The following FASN variants were observed in gnomAD, a reference collection of about 807,000 sequenced individuals.
FASN encodes fatty acid synthase.
A neutral mutation model predicts 250.0 loss-of-function variants in FASN; 50 were observed. The observed-to-expected ratio is 0.20, with a 90% CI of 0.16 to 0.25. FASN has a LOEUF of 0.25. Ranked by LOEUF, FASN falls within the 10% of genes least tolerant of loss-of-function variation. The pLI is 1.00. For missense variants in FASN, 3,031 were observed against 3,498.5 expected, an observed-to-expected ratio of 0.87 and a Z score of 3.37; for synonymous variants, 1,909 against 1,584.0, an observed-to-expected ratio of 1.21 and a Z score of -4.87.
Position 82,087,684 on chromosome 17 carries a change from C to T in FASN, c.3043+1G>A. 6.2e-7 allele frequency: 1 copy of T among 1,611,254 alleles called. No homozygotes were observed. The highest frequency in any genetic ancestry group is 8.5e-7 in the Non-Finnish European group (1 of 1,179,986). On this transcript the variant is annotated splice_donor_variant, in intron 19 of 42. Coordinates refer to ENST00000306749, the MANE Select transcript of FASN (RefSeq NM_004104.5). LOFTEE classifies it high-confidence loss of function. ...TGGGCAGCAGTGTAGTCAGTACCCA[C>T]CTTCCAGGCTGGCCTCCAGGATGCC...
Position 82,078,843 on chromosome 17 carries a change from C to T in FASN, c.*300G>A. 1.9e-6 allele frequency: 1 copy of T among 523,844 alleles called. No individual in the cohort carries two copies. The highest frequency in any genetic ancestry group is 3.5e-6 in the Non-Finnish European group (1 of 287,168). 32.4% of individuals were successfully genotyped at this position (523,844 alleles called of 1,614,324 possible). ...ATATGCAAATCCAAGCACAGAAAGA[C>T]CAAGCGCAGACCCCACGGGCGCACG... On this transcript the variant is annotated 3_prime_UTR_variant, in exon 43 of 43. Coordinates refer to ENST00000306749, the MANE Select transcript of FASN (RefSeq NM_004104.5). The surrounding 1 kb of genome is among the most constrained non-coding windows in gnomAD (Gnocchi z 5.4).
chr17:82,090,389 G>T lies in FASN; in HGVS notation c.1856C>A (p.Ala619Asp). The T allele has an allele frequency of 6.3e-7, 1 of 1,590,808 alleles. No homozygotes were observed. ...GGGAGACCTACCCACGGCTGCCATGGCGCCCGGCGGGAGATGGGCTTCTTT... is the reference window on the plus strand; with the variant it reads ...GGGAGACCTACCCACGGCTGCCATGTCGCCCGGCGGGAGATGGGCTTCTTT... ...CIKEAHLPPGAMAAVGLSWEE... is the reference protein window; with the variant it reads ...CIKEAHLPPGDMAAVGLSWEE... Residue 619 changes from alanine to aspartate, a missense_variant, in exon 11 of 43, where the codon GCC (alanine) becomes GAC (aspartate). Ala to Asp is a moderately radical substitution (Grantham distance 126). Transcript: ENST00000306749.
chr17:82,096,887 G>T (rs970278841), intron 1 of FASN: 12 of 293,968 alleles, frequency 4.1e-5, no homozygotes, highest in South Asian at 3.8e-4. Context: ...CTGAGATGGG[G>T]ACAAGGCCTC....
Position 82,091,074 on chromosome 17 carries a change from C to T in FASN, c.1493-5G>A. ...CGCGCCACTGTGTGCCCATCCCTGT[C>T]CCAGAGAGCACGTCACGAGGCTCAG... On this transcript the variant is annotated splice_region_variant and splice_polypyrimidine_tract_variant and intron_variant, in intron 9 of 42. Transcript: ENST00000306749. 1 of 1,610,452 alleles carries T rather than the reference C, an allele frequency of 6.2e-7. No individual in the cohort carries two copies. Among genetic ancestry groups the T allele is most frequent in the Non-Finnish European group, 8.5e-7 (1 of 1,179,746 alleles).
At chr17:82,096,528 A>T in intron 1 of FASN, 76 bp from the exon 2 acceptor site, 1 of 1,594,570 alleles carries the variant, frequency 6.3e-7, no homozygotes, top group East Asian at 2.2e-5. Context: ...CACCCAGAAC[A>T]GGTGGACACC....
At position 82,089,121 on chromosome 17, in the gene FASN, G is replaced by A; in HGVS notation, c.2152C>T (p.Pro718Ser). The change falls in exon 14 of 43, where the codon CCC (proline) becomes TCC (serine). Residue 718 changes from proline to serine, a missense_variant. Pro to Ser is a moderately conservative substitution (Grantham distance 74, BLOSUM62 -1). Coordinates refer to ENST00000306749, the MANE Select transcript of FASN (RefSeq NM_004104.5). Reference protein sequence around the residue: ...RSARWLSTSIPEAQWHSSLAR... With the variant: ...RSARWLSTSISEAQWHSSLAR... ...AGGCTGCTGTGCCACTGGGCCTCGG[G>A]GATAGAGGTGCTGAGCCAGCGGGCT... is the stretch of plus-strand genomic sequence containing the variant. 6.4e-7 allele frequency: 1 copy of A among 1,567,410 alleles called. No individual in the cohort carries two copies. The highest frequency in any genetic ancestry group is 8.6e-7 in the Non-Finnish European group (1 of 1,156,526).
chr17:82,083,690 C>T, intron 30 of FASN, 51 bp from the exon 31 acceptor site: 2 of 1,604,790 alleles, frequency 1.2e-6, no homozygotes, highest in Non-Finnish European at 1.7e-6. Flanking sequence ...GCCCAGCCAC[C>T]ACAGTCCAGA....
intron 5 of FASN, 47 bp downstream of exon 5, chr17:82,093,172 C>G: frequency 3.9e-6 from 6 of 1,543,904 alleles, no homozygotes; most frequent in Non-Finnish European, 5.3e-6. Flanking sequence ...GGGGGGCCGT[C>G]CTGTGCCACT....
chr17:82,096,351 A>C lies in FASN; in HGVS notation c.95T>G (p.Met32Arg). ...CCAGCGACGGTCATCGTCCGTGACCATGTCCACACCGCCGATGAGGTTGTC... is the reference window on the plus strand; with the variant it reads ...CCAGCGACGGTCATCGTCCGTGACCCTGTCCACACCGCCGATGAGGTTGTC... Reference protein sequence around the residue: ...FWDNLIGGVDMVTDDDRRWKA... With the variant: ...FWDNLIGGVDRVTDDDRRWKA... Residue 32 changes from methionine to arginine, a missense_variant, in exon 2 of 43, where the codon ATG (methionine) becomes AGG (arginine). Transcript: ENST00000306749. 1.2e-6 allele frequency: 2 copies of C among 1,612,936 alleles called. No homozygotes were observed. Among genetic ancestry groups the C allele is most frequent in the Non-Finnish European group, 1.7e-6 (2 of 1,179,990 alleles).
rs2034023281 is a variant in FASN at position 82,083,195 on chromosome 17, C to T, written c.5565+7G>A. The T allele has an allele frequency of 6.2e-7, 1 of 1,612,376 alleles. No homozygotes were observed. Among genetic ancestry groups the T allele is most frequent in the Non-Finnish European group, 8.5e-7 (1 of 1,179,966 alleles). On this transcript the variant is annotated splice_region_variant and intron_variant, in intron 32 of 42. Transcript: ENST00000306749. ...GGTGCCCGAGGCGCCGGGACTCCTC[C>T]CCTCACCTGCACGACGACTTTGCCA...
intron 37 of FASN, 84 bp from the exon 38 acceptor site, chr17:82,081,436 TG>T: frequency 6.4e-7 from 1 of 1,567,888 alleles, no homozygotes; most frequent in African/African-American, 1.3e-5. Context: ...CAGGGGTGCG[TG>T]GGCTGTGCAT....
Position 82,087,682 on chromosome 17 carries a change from C to A in FASN, c.3043+3G>T. On this transcript the variant is annotated splice_donor_region_variant and intron_variant, in intron 19 of 42. Transcript: ENST00000306749. ...CTTGGGCAGCAGTGTAGTCAGTACC[C>A]ACCTTCCAGGCTGGCCTCCAGGATG... 6.2e-7 allele frequency: 1 copy of A among 1,611,112 alleles called. No individual in the cohort carries two copies. Among genetic ancestry groups the A allele is most frequent in the Non-Finnish European group, 8.5e-7 (1 of 1,179,954 alleles).
chr17:82,087,553 C>T, intron 19 of FASN, 49 bp from the exon 20 acceptor site: 1 of 1,606,892 alleles, frequency 6.2e-7, no homozygotes, highest in Non-Finnish European at 8.5e-7. Context: ...GTCCCTGGGG[C>T]CACCTCCCAG....
Position 82,079,586 on chromosome 17 carries a change from A to G in FASN, c.7169T>C (p.Leu2390Pro). The change falls in exon 42 of 43, where the codon CTG (leucine) becomes CCG (proline). Residue 2390 changes from leucine (L) to proline (P), a missense_variant. Transcript: ENST00000306749. ...TGCCACACGCTCCTCTAGGCCCTTC[A>G]GCGGCAGCAGCGCCTCCAGCACCTG... Reference protein sequence around the residue: ...HNRVLEALLPLKGLEERVAAA... With the variant: ...HNRVLEALLPPKGLEERVAAA... 1 of 1,601,284 alleles carries G rather than the reference A, an allele frequency of 6.2e-7. No homozygotes were observed. Among genetic ancestry groups the G allele is most frequent in the Non-Finnish European group, 8.5e-7 (1 of 1,179,738 alleles).
At chr17:82,086,973 G>C (rs1216334864) in intron 21 of FASN, 77 bp downstream of exon 21, 1 of 1,538,242 alleles carries the variant, frequency 6.5e-7, no homozygotes, top group African/African-American at 1.4e-5. Flanking sequence ...GGAGAAGCAA[G>C]TCTGGGGTCA....
chr17:82,095,272 G>A (rs754473426), intron 3 of FASN, 48 bp downstream of exon 3: 49 of 1,600,542 alleles, frequency 3.1e-5, no homozygotes, highest in Middle Eastern at 1.7e-4. Flanking sequence ...CCTATTCCAC[G>A]TGAGCAGCAG....
At chr17:82,095,654 T>G (rs1167235056) in intron 2 of FASN, among the ~76,000 whole-genome samples, 182 bp from the exon 3 acceptor site, 1 of 152,192 alleles carries the variant, frequency 6.6e-6, no homozygotes, top group East Asian at 1.9e-4. Flanking sequence ...AAGCGGGGAC[T>G]GGTACGACCA....
chr17:82,098,016 ACG>A (rs2144816127), intron 1 of FASN, 103 bp downstream of exon 1: 1 of 300,682 alleles, frequency 3.3e-6, no homozygotes, highest in South Asian at 1.6e-4. Flanking sequence ...GGGCCGGGCC[ACG>A]CGCGCCCCGA....
Position 82,080,241 on chromosome 17 carries a change from G to T in FASN, c.7048-3C>A, listed in dbSNP as rs774665189. 6.2e-7 allele frequency: 1 copy of T among 1,613,046 alleles called. No individual in the cohort carries two copies. On this transcript the variant is annotated splice_region_variant and splice_polypyrimidine_tract_variant and intron_variant, in intron 40 of 42. Transcript: ENST00000306749. ...GGGGTCAGCTTTGCCCGGTAGCTCT[G>T]AGAGGAAGGAGGGACTGCTGAGCAG...
Sources: allele counts gnomAD v4.1 joint callset (sites outside exome capture counted in the v4.1 genomes callset), GRCh38; gene constraint gnomAD v4.1.1; non-coding constraint Gnocchi (gnomAD v3.1); transcripts MANE v1.5; gene names NCBI Gene and HGNC (gene_info 2026-07-23, HGNC 2026-07-21).